The following SFXN5 variants were observed in gnomAD, a reference collection of about 807,000 sequenced individuals.
SFXN5 encodes the protein sideroflexin-5.
SFXN5 carries 43 observed loss-of-function variants against 50.2 expected under a neutral mutation model. The observed-to-expected ratio is 0.86, with a 90% CI of 0.67 to 1.11. SFXN5 has a LOEUF of 1.11. Among genes scored for constraint, SFXN5 ranks in the 50% least tolerant of loss-of-function variants. The pLI is 0.00. For missense variants in SFXN5, 463 were observed against 454.1 expected, an observed-to-expected ratio of 1.02 and a Z score of -0.18; for synonymous variants, 203 against 185.8, an observed-to-expected ratio of 1.09 and a Z score of -0.75.
At chr2:73,032,090 C>A (rs1388800081) in intron 3 of SFXN5, among the ~76,000 whole-genome samples, 3 of 152,136 alleles carry the variant, frequency 2.0e-5, no homozygotes, top group Non-Finnish European at 4.4e-5. Context: ...TAATGTACCA[C>A]CCACAAGCCA....
intron 2 of SFXN5, chr2:73,041,494 A>C (rs1351492023): frequency 9.1e-6 from 2 of 220,802 alleles, no homozygotes; most frequent in Non-Finnish European, 1.9e-5. Flanking sequence ...GTTCGAGACC[A>C]GCCTGACCAA....
intron 9 of SFXN5, chr2:72,998,062 T>A (rs1393675900): frequency 2.0e-5 from 3 of 152,280 alleles, no homozygotes. Flanking sequence ...TGCTCAGCTA[T>A]GTGAATGTTG....
intron 1 of SFXN5, chr2:73,070,638 C>T (rs961390683): frequency 6.6e-6 from 1 of 151,778 alleles, no homozygotes; most frequent in African/African-American, 2.4e-5. Flanking sequence ...CGGCCCCTCC[C>T]CGGCTCCGGT....
intron 10 of SFXN5, among the ~76,000 whole-genome samples, chr2:72,977,141 TC>T (rs1221079402): frequency 1.3e-5 from 2 of 152,068 alleles, no homozygotes; most frequent in Non-Finnish European, 1.5e-5. Flanking sequence ...GGACACTGGG[TC>T]CAGACGTGAT....
At chr2:72,990,834 G>A (rs768828035) in intron 9 of SFXN5, among the ~76,000 whole-genome samples, 49 of 152,248 alleles carry the variant, frequency 3.2e-4, no homozygotes, top group Non-Finnish European at 5.1e-4. Flanking sequence ...GCGTTTGAAC[G>A]GCACATCTGC....
At chr2:73,041,689 T>C (rs992559292) in intron 2 of SFXN5, 6 of 378,298 alleles carry the variant, frequency 1.6e-5, no homozygotes, top group African/African-American at 1.3e-4. Context: ...AGAAAGCCTT[T>C]ATAAGGAGGA....
chr2:72,976,855 T>C (rs1300731341), intron 10 of SFXN5, among the ~76,000 whole-genome samples: 1 of 152,164 alleles, frequency 6.6e-6, no homozygotes, highest in Non-Finnish European at 1.5e-5. Flanking sequence ...CTATAAGATA[T>C]GGGGACCTGG....
chr2:73,057,220 C>T (rs1682261900), intron 2 of SFXN5, among the ~76,000 whole-genome samples: 1 of 152,096 alleles, frequency 6.6e-6, no homozygotes, highest in Admixed American at 6.5e-5. Context: ...TTCACTGCAG[C>T]CTCAACTTCT....
Position 73,071,617 on chromosome 2 carries a change from G to A in SFXN5, c.89C>T (p.Pro30Leu), listed in dbSNP as rs1683633803. ...SDAPPFQLGK[P>L]RFQQTSFYGR... ...CCCGGTCCTCACCTGCTGGAAGCGG[G>A]GTTTGCCCAGTTGGAAAGGAGGTGC... is the stretch of plus-strand genomic sequence containing the variant. Residue 30 changes from proline (P) to leucine (L), a missense_variant, in exon 1 of 14, where the codon CCC (proline) becomes CTC (leucine). Transcript: ENST00000272433. 2 of 1,613,724 alleles carry A rather than the reference G, an allele frequency of 1.2e-6. No individual in the cohort carries two copies. The highest frequency in any genetic ancestry group is 1.7e-5 in the Admixed American group (1 of 59,992).
At chr2:72,971,526 C>T (rs1332225234) in intron 11 of SFXN5, 44 bp downstream of exon 11, 1 of 1,429,866 alleles carries the variant, frequency 7.0e-7, no homozygotes, top group South Asian at 1.2e-5. Context: ...CCACTCCCCT[C>T]CCCTGTTGCT....
chr2:73,022,024 G>GT (rs1392749223), intron 5 of SFXN5, among the ~76,000 whole-genome samples: 5 of 152,218 alleles, frequency 3.3e-5, no homozygotes, highest in African/African-American at 1.2e-4. Flanking sequence ...GTGCACAGCA[G>GT]TGCAACAACA....
At chr2:72,965,963 G>C (rs1274148990) in intron 12 of SFXN5, among the ~76,000 whole-genome samples, 1 of 152,182 alleles carries the variant, frequency 6.6e-6, no homozygotes, top group African/African-American at 2.4e-5. Context: ...GATAAGGAGG[G>C]CCTGTCTGAG....
In SFXN5 at chr2:72,992,911, G is replaced by A. The variant is rs941135360; in HGVS notation, c.535-4563C>T. On this transcript the variant is annotated intron_variant, in intron 9 of 13. Transcript: ENST00000272433. The surrounding 1 kb of genome is among the most constrained non-coding windows in gnomAD (Gnocchi z 4.5). ...AAGGCTCTGGCTACCTGTATGAGGA[G>A]GTGCCGTGAGGGAGTGGGCCCAAGG... Among the ~76,000 whole-genome samples, 4 of 152,330 alleles carry A rather than the reference G, an allele frequency of 2.6e-5. No individual in the cohort carries two copies. The highest frequency in any genetic ancestry group is 9.6e-5 in the African/African-American group (4 of 41,562).
chr2:73,006,118 G>T (rs1674602976), intron 6 of SFXN5, among the ~76,000 whole-genome samples: 1 of 152,124 alleles, frequency 6.6e-6, no homozygotes, highest in South Asian at 2.1e-4. Flanking sequence ...GAGGCCTCAT[G>T]CCTTCCTGCT....
chr2:73,066,382 A>T (rs1683178155), intron 1 of SFXN5, among the ~76,000 whole-genome samples: 2 of 152,020 alleles, frequency 1.3e-5, no homozygotes, highest in Admixed American at 6.6e-5. Context: ...ACATGGTGAA[A>T]CCCCATCTCT....
At chr2:73,016,474 G>A (rs1436448396) in intron 6 of SFXN5, among the ~76,000 whole-genome samples, 1 of 152,182 alleles carries the variant, frequency 6.6e-6, no homozygotes, top group East Asian at 1.9e-4. Flanking sequence ...GGAGGCTGAG[G>A]CGAGTGGATC....
rs1289560806 is a variant in SFXN5 at position 72,992,170 on chromosome 2, A to C, written c.535-3822T>G. 6.6e-6 allele frequency among the ~76,000 whole-genome samples: 1 copy of C among 152,222 alleles called. No homozygotes were observed. The highest frequency in any genetic ancestry group is 1.5e-5 in the Non-Finnish European group (1 of 68,034). ...CTGGGCCAGTGAATTTGCCATGAGC[A>C]GCTGACAGGAGACCAGGGGAAAAGG... is the stretch of plus-strand genomic sequence containing the variant. On this transcript the variant is annotated intron_variant, in intron 9 of 13. Transcript: ENST00000272433. The surrounding 1 kb of genome is among the most constrained non-coding windows in gnomAD (Gnocchi z 4.5).
chr2:72,951,178 T>C (rs1202842045), intron 13 of SFXN5, among the ~76,000 whole-genome samples: 1 of 152,116 alleles, frequency 6.6e-6, no homozygotes, highest in Non-Finnish European at 1.5e-5. Flanking sequence ...AAGGAAGCAG[T>C]GCCGCCCTGC....
chr2:72,968,293 A>G (rs146120129), intron 12 of SFXN5, among the ~76,000 whole-genome samples, 155 bp downstream of exon 12: 1 of 152,136 alleles, frequency 6.6e-6, no homozygotes, highest in Non-Finnish European at 1.5e-5. Flanking sequence ...CACTACCTGG[A>G]AAGTCCAAGA....
Sources: gnomAD v4.1 joint callset for allele counts (sites outside exome capture counted in the v4.1 genomes callset) on GRCh38, gnomAD v4.1.1 for gene constraint, Gnocchi (gnomAD v3.1) non-coding constraint, MANE v1.5 for transcripts, NCBI Gene and HGNC (gene_info 2026-07-23, HGNC 2026-07-21) for gene names.